Variants in CT55 observed in about 807,000 individuals in gnomAD.
CT55 encodes cancer/testis antigen 55, also known as BRCA2-interacting protein.
Under a neutral mutation model 12.6 loss-of-function variants are expected in CT55, and 1 was observed. The ratio of observed to expected loss-of-function variants is 0.08; its 90% CI spans 0.03 to 0.38. The LOEUF (loss-of-function observed/expected upper bound fraction) is 0.38. CT55 is among the 10% of genes least tolerant of loss of function. The pLI is 0.99. For synonymous variants in CT55, 43 were observed against 49.7 expected (o/e 0.87, Z 0.57); for missense variants, 109 against 135.4 (o/e 0.80, Z 0.97).
At chrX:135,164,098 A>C (rs2083573368) in intron 2 of CT55, among the ~76,000 whole-genome samples, 1 of 112,022 alleles carries the variant, frequency 8.9e-6, no homozygotes, top group African/African-American at 3.2e-5. Flanking sequence ...AAAACATCTG[A>C]AGGTATAAAA....
chrX:135,163,051 C>A (rs1425220643), intron 2 of CT55, among the ~76,000 whole-genome samples: 1 of 111,665 alleles, frequency 9.0e-6, no homozygotes, highest in Non-Finnish European at 1.9e-5. Flanking sequence ...CAAAAGAGAC[C>A]TATATAGAGT....
At chrX:135,169,289 A>G (rs2083600140) in intron 2 of CT55, among the ~76,000 whole-genome samples, 1 of 112,590 alleles carries the variant, frequency 8.9e-6, no homozygotes, top group Non-Finnish European at 1.9e-5. Context: ...TGCACACTAC[A>G]GAAAATGTTT....
chrX:135,164,959 T>C (rs782351152), intron 2 of CT55, among the ~76,000 whole-genome samples: 4 of 111,841 alleles, frequency 3.6e-5, no homozygotes, highest in African/African-American at 9.7e-5. Context: ...AATGGTGAGA[T>C]AGAGTGCAAT....
intron 3 of CT55, among the ~76,000 whole-genome samples, chrX:135,158,983 G>A (rs1556404661): frequency 8.9e-6 from 1 of 112,088 alleles, no homozygotes; most frequent in African/African-American, 3.2e-5. Flanking sequence ...TGCCTTACAG[G>A]TTACAGTTAA....
At chrX:135,163,701 G>A in intron 2 of CT55, among the ~76,000 whole-genome samples, 1 of 111,709 alleles carries the variant, frequency 9.0e-6, no homozygotes, top group South Asian at 3.8e-4. Context: ...CTAGGTACTG[G>A]AAGACCAAAG....
intron 1 of CT55, 71 bp from the exon 2 acceptor site, chrX:135,169,849 C>T (rs1275257428): frequency 5.2e-6 from 4 of 769,625 alleles, no homozygotes; most frequent in South Asian, 7.1e-5. Context: ...AAGTCTTACA[C>T]TCACCATCTG....
chrX:135,170,879 C>T (rs1556406692), intron 1 of CT55, among the ~76,000 whole-genome samples, 199 bp downstream of exon 1: 1 of 111,956 alleles, frequency 8.9e-6, no homozygotes, highest in Non-Finnish European at 1.9e-5. Flanking sequence ...TTTAGATGGA[C>T]AGGAGAGTTT....
At chrX:135,161,358 A>G (rs1334026863) in intron 2 of CT55, among the ~76,000 whole-genome samples, 12 of 112,112 alleles carry the variant, frequency 1.1e-4, no homozygotes, top group African/African-American at 3.2e-4. Context: ...CCCACAATCC[A>G]TAATTCATTA....
intron 3 of CT55, 108 bp downstream of exon 3, chrX:135,160,303 C>A: frequency 1.2e-6 from 1 of 806,714 alleles, no homozygotes; most frequent in Admixed American, 4.3e-5. Flanking sequence ...ACCTCTAACA[C>A]TGAAGAGCCA....
chrX:135,162,006 C>T (rs1227579967), intron 2 of CT55, among the ~76,000 whole-genome samples: 1 of 112,749 alleles, frequency 8.9e-6, no homozygotes, highest in African/African-American at 3.2e-5. Flanking sequence ...TCTCATGGCT[C>T]CCAGCTCTGT....
rs2083610055 is a variant in CT55 at position 135,171,280 on chromosome X, C to T, written c.-109G>A. On this transcript the variant is annotated 5_prime_UTR_variant, in exon 1 of 6. Coordinates refer to ENST00000276241, the MANE Select transcript of CT55 (RefSeq NM_001031705.3). ...ACGGCGTCTCCTCAGGGACTCACTT[C>T]CTGCTTCTCCTCAGACACTGTGGCA... is the stretch of plus-strand genomic sequence containing the variant. 2 of 1,128,537 alleles carry T rather than the reference C, an allele frequency of 1.8e-6. No individual in the cohort carries two copies. The highest frequency in any genetic ancestry group is 5.3e-5 in the Admixed American group (2 of 37,778). 93.0% of individuals were successfully genotyped at this position (1,128,537 alleles called of 1,213,427 possible). A position where few individuals can be genotyped will look rare whatever the true frequency, so the allele number is the denominator to read the frequency against.
rs782581702 is a variant in CT55 at position 135,160,448 on chromosome X, A to G, written c.387T>C (p.Ser129=). ...TSINEDNIYI[S]NSIYFSIAIV... is the part of the protein sequence containing the mutation. The stretch of plus-strand genomic sequence containing the variant: ...TGGCTATGGAAAAATAAATGCTGTT[A>G]CTAATATAAATATTATCTTCATTTA... The change falls in exon 3 of 6, where the codon AGT becomes AGC. Residue 129 remains serine (S), a synonymous_variant. Coordinates refer to ENST00000276241, the MANE Select transcript of CT55 (RefSeq NM_001031705.3). 8.5e-7 allele frequency: 1 copy of G among 1,174,179 alleles called. No individual in the cohort carries two copies. The highest frequency in any genetic ancestry group is 2.5e-5 in the Admixed American group (1 of 39,703).
intron 1 of CT55, 103 bp downstream of exon 1, chrX:135,170,975 G>A (rs2083608370): frequency 2.6e-6 from 3 of 1,142,803 alleles, no homozygotes; most frequent in Non-Finnish European, 3.5e-6. Flanking sequence ...CCACCGTCAC[G>A]TGCAGTACCC....
Position 135,171,303 on chromosome X carries a change from G to A in CT55, c.-132C>T. ...TTCCTGCTTCTCCTCAGACACTGTGGCATGGGACCCACCCGTTAGTGAGCC... is the reference window on the plus strand; with the variant it reads ...TTCCTGCTTCTCCTCAGACACTGTGACATGGGACCCACCCGTTAGTGAGCC... On this transcript the variant is annotated 5_prime_UTR_variant, in exon 1 of 6. Transcript: ENST00000276241. 9.2e-7 allele frequency: 1 copy of A among 1,086,001 alleles called. No individual in the cohort carries two copies. 89.5% of individuals were successfully genotyped at this position (1,086,001 alleles called of 1,213,427 possible).
chrX:135,159,835 G>A (rs1556404838), intron 3 of CT55, among the ~76,000 whole-genome samples: 1 of 111,108 alleles, frequency 9.0e-6, no homozygotes. Context: ...CTATACGACA[G>A]CTGCAGTAGA....
At chrX:135,171,439 C>A (rs1208675644), upstream of CT55, 2 of 361,817 alleles carry the variant, frequency 5.5e-6, no homozygotes, top group Non-Finnish European at 4.4e-6. Context: ...CACTGTCCAA[C>A]CAATGGGCGT....
chrX:135,159,227 C>G lies in CT55; in HGVS notation c.425-916G>C, dbSNP rs1363038874. On this transcript the variant is annotated intron_variant, in intron 3 of 5. Coordinates refer to ENST00000276241, the MANE Select transcript of CT55 (RefSeq NM_001031705.3). ...ACCTGTTCTCTCTCTCTCTCTCTCT[C>G]TCTCTCTCTCTCTCTGATAATTTAC... Among the ~76,000 whole-genome samples the G allele has an allele frequency of 2.7e-5, 3 of 110,849 alleles. No homozygotes were observed. In the East Asian group the frequency reaches 8.5e-4, roughly 31 times the overall value.
At chrX:135,163,718 A>G (rs1387519188) in intron 2 of CT55, among the ~76,000 whole-genome samples, 2 of 111,876 alleles carry the variant, frequency 1.8e-5, no homozygotes, top group African/African-American at 6.5e-5. Context: ...AAAGTTCTGC[A>G]TTCAGATACA....
intron 1 of CT55, among the ~76,000 whole-genome samples, chrX:135,170,174 T>G (rs1556406591): frequency 9.1e-6 from 1 of 110,137 alleles, no homozygotes; most frequent in Non-Finnish European, 1.9e-5. Flanking sequence ...ACCCAGCTAA[T>G]TTTTGAATTG....
Sources: allele counts gnomAD v4.1 joint callset (sites outside exome capture counted in the v4.1 genomes callset), GRCh38; gene constraint gnomAD v4.1.1; transcripts MANE v1.5; gene names NCBI Gene and HGNC (gene_info 2026-07-23, HGNC 2026-07-21).